PARD6G: variants seen among roughly 807,000 people sequenced by gnomAD.
PARD6G encodes the protein par-6 family cell polarity regulator gamma, also known as partitioning defective 6 homolog gamma.
PARD6G carries 7 observed loss-of-function variants against 10.7 expected under a neutral mutation model. The observed-to-expected ratio is 0.66, with a 90% CI of 0.37 to 1.23. The LOEUF (loss-of-function observed/expected upper bound fraction) is 1.23. Among genes scored for constraint, PARD6G ranks in the 50% most tolerant of loss-of-function variants. The pLI, the probability that PARD6G is intolerant of heterozygous loss-of-function variation, is 0.02. For synonymous variants in PARD6G, 287 were observed against 269.4 expected (o/e 1.07, Z -0.64); for missense variants, 548 against 571.8 (o/e 0.96, Z 0.42).
chr18:80,216,639 C>T (rs908542309), intron 1 of PARD6G, among the ~76,000 whole-genome samples: 12 of 151,994 alleles, frequency 7.9e-5, no homozygotes, highest in African/African-American at 2.9e-4. Flanking sequence ...AGGAAATGTA[C>T]AGCTGTAAAC....
chr18:80,168,266 C>G (rs1278940131), intron 2 of PARD6G, among the ~76,000 whole-genome samples: 3 of 152,158 alleles, frequency 2.0e-5, no homozygotes, highest in Non-Finnish European at 2.9e-5. Context: ...GACGAGGTGA[C>G]TGAATTTCAG....
Position 80,159,565 on chromosome 18 carries a change from G to T in PARD6G, c.*206C>A. 1 of 729,786 alleles carries T rather than the reference G, an allele frequency of 1.4e-6. No individual in the cohort carries two copies. The highest frequency in any genetic ancestry group is 1.9e-6 in the Non-Finnish European group (1 of 524,164). 45.2% of individuals were successfully genotyped at this position (729,786 alleles called of 1,614,324 possible). A position where few individuals can be genotyped will look rare whatever the true frequency, so the allele number is the denominator to read the frequency against. On this transcript the variant is annotated 3_prime_UTR_variant, in exon 3 of 3. Transcript: ENST00000353265. ...CCTGCACTCAGGCCTGGTATAGAGT[G>T]TCTCTACAGGCGTTCATTTTAAGTT...
intron 1 of PARD6G, among the ~76,000 whole-genome samples, chr18:80,219,492 G>A (rs1967207319): frequency 6.6e-6 from 1 of 152,106 alleles, no homozygotes; most frequent in Non-Finnish European, 1.5e-5. Context: ...TTACAGGCGT[G>A]AGCCACTGCG....
intron 2 of PARD6G, chr18:80,168,912 T>TTAAC (rs2052755185): frequency 5.9e-6 from 1 of 169,000 alleles, no homozygotes; most frequent in African/African-American, 2.4e-5. Context: ...AATATTTTCT[T>TTAAC]ACAAATAACC....
At chr18:80,241,564 C>T (rs779183892) in intron 1 of PARD6G, among the ~76,000 whole-genome samples, 11 of 152,058 alleles carry the variant, frequency 7.2e-5, no homozygotes, top group Non-Finnish European at 1.5e-4. Flanking sequence ...CATATATGCA[C>T]GTATATTGGA....
intron 2 of PARD6G, among the ~76,000 whole-genome samples, chr18:80,177,675 G>A (rs942494839): frequency 1.4e-5 from 2 of 142,208 alleles, no homozygotes; most frequent in African/African-American, 5.3e-5. Context: ...CACACACACA[G>A]GATAAATAGC....
rs963129854 is a variant in PARD6G, at chr18:80,189,708, C to T, written c.295+13002G>A. ...AGCACGTCCCCTGGGAGTCCCCCGTCCGTCGTTGAGGCTGTTCTTTCATCT... is the reference window on the plus strand; with the variant it reads ...AGCACGTCCCCTGGGAGTCCCCCGTTCGTCGTTGAGGCTGTTCTTTCATCT... On this transcript the variant is annotated intron_variant, in intron 2 of 2. Transcript: ENST00000353265. The surrounding 1 kb of genome is among the most constrained non-coding windows in gnomAD (Gnocchi z 5.5). 6.6e-6 allele frequency among the ~76,000 whole-genome samples: 1 copy of T among 152,130 alleles called. No homozygotes were observed. Among genetic ancestry groups the T allele is most frequent in the Non-Finnish European group, 1.5e-5 (1 of 68,036 alleles).
Position 80,181,299 on chromosome 18 carries a change from G to A in PARD6G, c.296-20693C>T, listed in dbSNP as rs560733157. Reference sequence around the variant, plus strand: ...GTCTGTCCCCTGGTCCCTCAGCCAAGTCAGCCGATGTCCCCAGCTGGGATG... The same window carrying A: ...GTCTGTCCCCTGGTCCCTCAGCCAAATCAGCCGATGTCCCCAGCTGGGATG... On this transcript the variant is annotated intron_variant, in intron 2 of 2. Coordinates refer to ENST00000353265, the MANE Select transcript of PARD6G (RefSeq NM_032510.4). The surrounding 1 kb of genome is among the most constrained non-coding windows in gnomAD (Gnocchi z 7.9). Among the ~76,000 whole-genome samples, 121 of 152,304 alleles carry A rather than the reference G, an allele frequency of 7.9e-4. No individual in the cohort carries two copies. Among genetic ancestry groups the A allele is most frequent in the African/African-American group, 2.8e-3 (116 of 41,566 alleles).
At chr18:80,234,150 T>C (rs190427278) in intron 1 of PARD6G, among the ~76,000 whole-genome samples, 42 of 151,594 alleles carry the variant, frequency 2.8e-4, no homozygotes, top group African/African-American at 9.5e-4. Flanking sequence ...AGAAAGATTG[T>C]CCAACTTTCA....
intron 1 of PARD6G, among the ~76,000 whole-genome samples, chr18:80,229,189 C>T (rs561573513): frequency 7.2e-5 from 11 of 152,312 alleles, no homozygotes; most frequent in East Asian, 3.9e-4. Flanking sequence ...CCACCCACCT[C>T]GGTCTCCCAA....
chr18:80,225,703 C>G (rs1967281992), intron 1 of PARD6G, among the ~76,000 whole-genome samples: 2 of 152,230 alleles, frequency 1.3e-5, no homozygotes, highest in Admixed American at 1.3e-4. Context: ...GCACCCAAAT[C>G]AAGACAGTGT....
chr18:80,221,208 C>A (rs1456821460), intron 1 of PARD6G, among the ~76,000 whole-genome samples: 1 of 152,118 alleles, frequency 6.6e-6, no homozygotes, highest in Non-Finnish European at 1.5e-5. Context: ...CCAATTTATG[C>A]TATGAGGTCA....
rs1330241371 is a variant in PARD6G at position 80,200,960 on chromosome 18, G to T, written c.295+1750C>A. Reference sequence around the variant, plus strand: ...GGACAAAAAGACTTGTTTCCTGCACGATGGGCAACAAAGCCTGTGCGCACA... The same window carrying T: ...GGACAAAAAGACTTGTTTCCTGCACTATGGGCAACAAAGCCTGTGCGCACA... On this transcript the variant is annotated intron_variant, in intron 2 of 2. Coordinates refer to ENST00000353265, the MANE Select transcript of PARD6G (RefSeq NM_032510.4). This position sits in a 1 kb window ranked among gnomAD's most constrained non-coding sequence, Gnocchi z 4.4. Among the ~76,000 whole-genome samples the T allele has an allele frequency of 6.6e-6, 1 of 152,202 alleles. No individual in the cohort carries two copies. Among genetic ancestry groups the T allele is most frequent in the Non-Finnish European group, 1.5e-5 (1 of 68,044 alleles).
chr18:80,237,314 C>G (rs2145305726), intron 1 of PARD6G, among the ~76,000 whole-genome samples: 1 of 152,256 alleles, frequency 6.6e-6, no homozygotes, highest in Middle Eastern at 3.4e-3. Context: ...AAAGCTGAAA[C>G]TGGATCCCTT....
At chr18:80,165,896 A>T (rs1267298613) in intron 2 of PARD6G, among the ~76,000 whole-genome samples, 1 of 152,184 alleles carries the variant, frequency 6.6e-6, no homozygotes. Flanking sequence ...AGCCTGACCA[A>T]CATGGTGAAA....
At chr18:80,177,710 T>TACACGCAA in intron 2 of PARD6G, among the ~76,000 whole-genome samples, 1 of 139,192 alleles carries the variant, frequency 7.2e-6, no homozygotes, top group African/African-American at 2.7e-5. Context: ...TACACACATA[T>TACACGCAA]ACACGCAAAC....
intron 2 of PARD6G, among the ~76,000 whole-genome samples, chr18:80,202,216 G>A (rs1189741467): frequency 6.6e-6 from 1 of 152,174 alleles, no homozygotes; most frequent in Non-Finnish European, 1.5e-5. Context: ...CAATAAGTCA[G>A]CAGTAGGGCA....
chr18:80,195,405 C>A (rs901359673), intron 2 of PARD6G, among the ~76,000 whole-genome samples: 90 of 151,532 alleles, frequency 5.9e-4, no homozygotes, highest in Non-Finnish European at 1.3e-3. Context: ...ATGTACCTGG[C>A]CCCCCTCGGT....
chr18:80,222,666 T>C (rs184575782), intron 1 of PARD6G, among the ~76,000 whole-genome samples: 167 of 152,208 alleles, frequency 1.1e-3, no homozygotes, highest in Admixed American at 3.7e-3. Context: ...ACATTTGTCA[T>C]CAATTTATTT....
Sources: allele counts gnomAD v4.1 joint callset (sites outside exome capture counted in the v4.1 genomes callset), GRCh38; gene constraint gnomAD v4.1.1; non-coding constraint Gnocchi (gnomAD v3.1); transcripts MANE v1.5; gene names NCBI Gene and HGNC (gene_info 2026-07-23, HGNC 2026-07-21).